Variants in LACTB observed in about 807,000 individuals in gnomAD.
The protein encoded by LACTB is lactamase beta, also known as serine beta-lactamase-like protein LACTB, mitochondrial.
In LACTB, 35 loss-of-function variants were observed where a neutral mutation model predicts 50.2. That is an observed-to-expected ratio of 0.70 (90% confidence interval 0.53 to 0.92). The LOEUF is 0.92. LACTB is among the 40% of genes least tolerant of loss of function. The probability of loss-of-function intolerance (pLI) is 0.00; values close to 1 mark genes in which losing one functional copy is unlikely to be tolerated. For missense variants in LACTB, 664 were observed against 691.8 expected, an observed-to-expected ratio of 0.96 and a Z score of 0.45; for synonymous variants, 252 against 268.2, an observed-to-expected ratio of 0.94 and a Z score of 0.59.
intron 5 of LACTB, among the ~76,000 whole-genome samples, chr15:63,133,138 A>G (rs7175185): frequency 0.74 from 111,956 of 152,030 alleles, 41,794 homozygotes; most frequent in East Asian, 1. Context: ...AGTTAACTAG[A>G]ATTTTTACCC....
At chr15:63,136,540 T>A (rs1176449535) in intron 5 of LACTB, among the ~76,000 whole-genome samples, 6 of 152,176 alleles carry the variant, frequency 3.9e-5, no homozygotes, top group Non-Finnish European at 7.3e-5. Flanking sequence ...AGAGGAAATA[T>A]TGTTACCTAG....
At chr15:63,123,359 T>C (rs929629169) in intron 2 of LACTB, among the ~76,000 whole-genome samples, 2 of 152,164 alleles carry the variant, frequency 1.3e-5, no homozygotes, top group Non-Finnish European at 2.9e-5. Context: ...CTTTTTTAAT[T>C]AAGTTAACAA....
intron 5 of LACTB, among the ~76,000 whole-genome samples, chr15:63,135,763 A>G (rs1459130646): frequency 6.6e-6 from 1 of 152,214 alleles, no homozygotes; most frequent in Non-Finnish European, 1.5e-5. Context: ...AATCTAAAAA[A>G]AGATTCTCTA....
At chr15:63,125,320 A>G (rs963412689) in intron 2 of LACTB, among the ~76,000 whole-genome samples, 2 of 151,916 alleles carry the variant, frequency 1.3e-5, no homozygotes, top group Non-Finnish European at 2.9e-5. Context: ...GGCATGCACC[A>G]CCACGCCTGG....
chr15:63,125,054 C>T (rs1450923574), intron 2 of LACTB, among the ~76,000 whole-genome samples: 2 of 152,028 alleles, frequency 1.3e-5, no homozygotes, highest in South Asian at 2.1e-4. Context: ...GTTGAGGTGG[C>T]GCACGCCTGT....
intron 5 of LACTB, among the ~76,000 whole-genome samples, chr15:63,135,982 T>G (rs1365340658): frequency 6.6e-6 from 1 of 152,200 alleles, no homozygotes; most frequent in Non-Finnish European, 1.5e-5. Flanking sequence ...GTAATTAACT[T>G]GTGACTTGCG....
In LACTB at chr15:63,121,902, C is replaced by T. The variant is rs761314159; in HGVS notation, c.31C>T (p.Arg11Trp). 8 of 1,414,588 alleles carry T rather than the reference C, an allele frequency of 5.7e-6. No individual in the cohort carries two copies. Among genetic ancestry groups the T allele is most frequent in the Non-Finnish European group, 7.4e-6 (8 of 1,087,780 alleles). The allele number at this position is 1,414,588 out of a possible 1,614,324, so 87.6% of individuals were successfully genotyped here. Residue 11 changes from arginine to tryptophan, a missense_variant, in exon 1 of 6, where the codon CGG (arginine) becomes TGG (tryptophan). Arg to Trp is a moderately radical substitution (Grantham distance 101). Coordinates refer to ENST00000261893, the MANE Select transcript of LACTB (RefSeq NM_032857.5). MYRLMSAVTARAAAPGGLASS... is the reference protein window; with the variant it reads MYRLMSAVTAWAAAPGGLASS... The stretch of plus-strand genomic sequence containing the variant: ...CCGGCTCATGTCAGCAGTGACTGCC[C>T]GGGCTGCCGCCCCCGGGGGCTTGGC...
At position 63,123,811 on chromosome 15, in the gene LACTB, C is replaced by T. The variant is rs554721255; in HGVS notation, c.424+1109C>T. 9.1e-4 allele frequency among the ~76,000 whole-genome samples: 138 copies of T among 152,338 alleles called. 1 individual carries two copies. The highest frequency in any genetic ancestry group is 3.2e-3 in the African/African-American group (135 of 41,572). ...TTTTAGTACTTTCACTAATTGACTA[C>T]TGCTATCTAGAAGGCAGAGCCAGGT... On this transcript the variant is annotated intron_variant, in intron 2 of 5. Coordinates refer to ENST00000261893, the MANE Select transcript of LACTB (RefSeq NM_032857.5).
chr15:63,136,610 C>T (rs2037180024), intron 5 of LACTB, among the ~76,000 whole-genome samples: 1 of 151,984 alleles, frequency 6.6e-6, no homozygotes, highest in South Asian at 2.1e-4. Flanking sequence ...ATTTGGGCCT[C>T]TAAAACTCAA....
chr15:63,125,347 A>G (rs2037037798), intron 2 of LACTB, among the ~76,000 whole-genome samples: 1 of 151,400 alleles, frequency 6.6e-6, no homozygotes, highest in East Asian at 2.0e-4. Flanking sequence ...TTTGTATTTT[A>G]AGTAGAGACG....
At chr15:63,136,676 T>TG (rs956535470) in intron 5 of LACTB, among the ~76,000 whole-genome samples, 1 of 152,148 alleles carries the variant, frequency 6.6e-6, no homozygotes, top group African/African-American at 2.4e-5. Context: ...ACCAGCTTTT[T>TG]GGGGGAGTTC....
chr15:63,127,167 GTTTTTCT>G, intron 3 of LACTB, 118 bp downstream of exon 3: 1 of 962,170 alleles, frequency 1.0e-6, no homozygotes, highest in Non-Finnish European at 1.5e-6. Context: ...TAATGTATTA[GTTTTTCT>G]TAATCCAGAT....
At chr15:63,135,995 A>G (rs138778509) in intron 5 of LACTB, among the ~76,000 whole-genome samples, 1 of 152,266 alleles carries the variant, frequency 6.6e-6, no homozygotes, top group Non-Finnish European at 1.5e-5. Flanking sequence ...GACTTGCGCA[A>G]AAATCAAAAT....
At position 63,136,534 on chromosome 15, in the gene LACTB, G is replaced by A. The variant is rs75805478; in HGVS notation, c.1119-4746G>A. 8.1e-3 allele frequency among the ~76,000 whole-genome samples: 1,233 copies of A among 151,954 alleles called. 11 individuals carry two copies. The highest frequency in any genetic ancestry group is 0.028 in the African/African-American group (1,169 of 41,454). On this transcript the variant is annotated intron_variant, in intron 5 of 5. Transcript: ENST00000261893. ...GAAATAAAATAGGGCACTAAAAGAG[G>A]AAATATTGTTACCTAGGAAAATGTT...
At chr15:63,126,114 T>G (rs1352494252) in intron 2 of LACTB, 1 of 152,146 alleles carries the variant, frequency 6.6e-6, no homozygotes, top group Non-Finnish European at 1.5e-5. Flanking sequence ...CGAATTAAAT[T>G]GATGGTTAGC....
chr15:63,122,506 A>G, intron 1 of LACTB, 130 bp from the exon 2 acceptor site: 1 of 802,946 alleles, frequency 1.2e-6, no homozygotes, highest in South Asian at 1.4e-5. Flanking sequence ...GCCTGGGACG[A>G]GGTGGGCGGG....
chr15:63,122,198 G>C lies in LACTB; in HGVS notation c.327G>C (p.Glu109Asp). ...PCSRCFARAI[E>D]SSRDLLHRIK... ...CCAGGTGCTTCGCCAGAGCCATCGA[G>C]AGCAGCCGCGACCTGCTGCACAGGA... Residue 109 changes from glutamate to aspartate, a missense_variant, in exon 1 of 6, where the codon GAG becomes GAC. By Grantham distance (45) the Glu-to-Asp change is conservative. Transcript: ENST00000261893. The C allele has an allele frequency of 6.5e-7, 1 of 1,546,514 alleles. No individual in the cohort carries two copies. The highest frequency in any genetic ancestry group is 8.7e-7 in the Non-Finnish European group (1 of 1,155,506).
chr15:63,140,528 G>A (rs985814480), intron 5 of LACTB, among the ~76,000 whole-genome samples: 7 of 152,082 alleles, frequency 4.6e-5, no homozygotes, highest in African/African-American at 7.2e-5. Flanking sequence ...TTTAGGGGAC[G>A]TATAAGAATC....
intron 5 of LACTB, among the ~76,000 whole-genome samples, chr15:63,133,253 A>G (rs918888683): frequency 3.9e-5 from 6 of 152,218 alleles, no homozygotes; most frequent in African/African-American, 1.4e-4. Context: ...CAAATTTTAT[A>G]TTTTAATTTA....
Sources: allele counts gnomAD v4.1 joint callset (sites outside exome capture counted in the v4.1 genomes callset), GRCh38; gene constraint gnomAD v4.1.1; transcripts MANE v1.5; gene names NCBI Gene and HGNC (gene_info 2026-07-23, HGNC 2026-07-21).